The following PLA2G4E variants were observed in gnomAD, a reference collection of about 807,000 sequenced individuals.
The protein encoded by PLA2G4E is phospholipase A2 group IVE.
PLA2G4E carries 84 observed loss-of-function variants against 109.1 expected under a neutral mutation model. That is an observed-to-expected ratio of 0.77 (90% CI 0.65 to 0.92). PLA2G4E has a LOEUF of 0.92. PLA2G4E is among the 40% of genes least tolerant of loss of function. The pLI is 0.00. For missense variants in PLA2G4E, 1,057 were observed against 1,076.6 expected, an observed-to-expected ratio of 0.98 and a Z score of 0.25; for synonymous variants, 469 against 436.1, an observed-to-expected ratio of 1.08 and a Z score of -0.94.
chr15:42,040,461 A>G (rs1889296684), intron 1 of PLA2G4E, among the ~76,000 whole-genome samples: 2 of 152,238 alleles, frequency 1.3e-5, no homozygotes, highest in South Asian at 4.1e-4. Context: ...GTATTGTTTT[A>G]TCATTATTAG....
chr15:41,997,421 G>A (rs1449814302), intron 10 of PLA2G4E, 162 bp from the exon 11 acceptor site: 26 of 724,890 alleles, frequency 3.6e-5, no homozygotes, highest in African/African-American at 1.1e-4. Context: ...GGGGCGAATC[G>A]TGCTGAACTC....
chr15:42,039,057 A>T (rs1889269064), intron 1 of PLA2G4E, among the ~76,000 whole-genome samples: 1 of 152,060 alleles, frequency 6.6e-6, no homozygotes, highest in Non-Finnish European at 1.5e-5. Flanking sequence ...TTTTACTTTC[A>T]CTAATCCATG....
chr15:42,035,015 G>A (rs1474001945), intron 1 of PLA2G4E, among the ~76,000 whole-genome samples: 3 of 152,226 alleles, frequency 2.0e-5, no homozygotes, highest in African/African-American at 7.2e-5. Context: ...GCTCTGTGCA[G>A]GGGATCACAG....
At chr15:42,029,413 A>G (rs1889076707) in intron 1 of PLA2G4E, among the ~76,000 whole-genome samples, 1 of 152,032 alleles carries the variant, frequency 6.6e-6, no homozygotes, top group Non-Finnish European at 1.5e-5. Context: ...TTCTCAAAGC[A>G]CTTGTATCCA....
intron 1 of PLA2G4E, among the ~76,000 whole-genome samples, chr15:42,018,637 G>A (rs533092202): frequency 6.6e-6 from 1 of 152,280 alleles, no homozygotes; most frequent in East Asian, 1.9e-4. Flanking sequence ...CTGGGCCAGG[G>A]AGGACAGGCT....
intron 1 of PLA2G4E, among the ~76,000 whole-genome samples, chr15:42,027,740 CT>C (rs2068704526): frequency 6.6e-6 from 1 of 152,202 alleles, no homozygotes. Flanking sequence ...TACACTGGTC[CT>C]TCATGCCCAG....
At chr15:42,008,745 T>C (rs1052778058) in intron 2 of PLA2G4E, among the ~76,000 whole-genome samples, 1 of 152,170 alleles carries the variant, frequency 6.6e-6, no homozygotes, top group Non-Finnish European at 1.5e-5. Flanking sequence ...ACTGCCCCTG[T>C]CACTCTCCTG....
intron 10 of PLA2G4E, chr15:41,999,120 T>A (rs1259187460): frequency 6.5e-6 from 1 of 153,836 alleles, no homozygotes; most frequent in Non-Finnish European, 1.4e-5. Context: ...ATTTCTGGTT[T>A]CTTAGATATG....
chr15:41,985,869 G>A, exon 18 of PLA2G4E: 1 of 1,611,376 alleles, frequency 6.2e-7, no homozygotes, highest in South Asian at 1.1e-5. Flanking sequence ...AGTAGTTGAG[G>A]TGGATGATGA....
intron 1 of PLA2G4E, among the ~76,000 whole-genome samples, chr15:42,021,340 G>C (rs908279875): frequency 6.6e-6 from 1 of 151,934 alleles, no homozygotes; most frequent in Admixed American, 6.5e-5. Context: ...CCACATGACT[G>C]TAGGACTAGC....
At chr15:41,986,029 C>T (rs1467810427) in intron 17 of PLA2G4E, 24 bp from the exon 18 acceptor site, 1 of 1,571,598 alleles carries the variant, frequency 6.4e-7, no homozygotes, top group Non-Finnish European at 8.6e-7. Context: ...CTTCCCGTTA[C>T]CAACACACCT....
chr15:42,030,142 T>A, intron 1 of PLA2G4E, among the ~76,000 whole-genome samples: 1 of 152,128 alleles, frequency 6.6e-6, no homozygotes, highest in Non-Finnish European at 1.5e-5. Flanking sequence ...GAATGAAGGT[T>A]GGAGAAGGGA....
chr15:41,995,324 C>G, intron 12 of PLA2G4E, 36 bp downstream of exon 12: 2 of 1,600,926 alleles, frequency 1.2e-6, no homozygotes, highest in Non-Finnish European at 1.7e-6. Context: ...CGTGGCTTGC[C>G]CTGGGCTCCA....
chr15:41,997,076 C>T (rs1427448279), intron 11 of PLA2G4E, 48 bp downstream of exon 11: 1 of 1,515,202 alleles, frequency 6.6e-7, no homozygotes. Context: ...GGGCATGGTG[C>T]TGGAAGGACC....
chr15:41,996,220 T>C (rs564543116), intron 11 of PLA2G4E, among the ~76,000 whole-genome samples: 2 of 152,060 alleles, frequency 1.3e-5, no homozygotes, highest in South Asian at 4.2e-4. Flanking sequence ...TTGTGGCTCA[T>C]TCCTGGAGTC....
At chr15:42,011,954 G>A (rs1191069187) in intron 2 of PLA2G4E, among the ~76,000 whole-genome samples, 2 of 152,230 alleles carry the variant, frequency 1.3e-5, no homozygotes, top group African/African-American at 2.4e-5. Context: ...ATCATTCACC[G>A]ATAGGCTGGG....
chr15:41,985,093 G>A (rs1034674582), intron 18 of PLA2G4E, among the ~76,000 whole-genome samples: 65 of 152,150 alleles, frequency 4.3e-4, no homozygotes, highest in African/African-American at 1.5e-3. Context: ...TCTGCCCCTC[G>A]TTCCTCTGCT....
At chr15:42,016,009 G>A (rs1466648351) in intron 1 of PLA2G4E, among the ~76,000 whole-genome samples, 1 of 152,132 alleles carries the variant, frequency 6.6e-6, no homozygotes, top group Non-Finnish European at 1.5e-5. Flanking sequence ...TGAGCTCACG[G>A]TAAATGCCTA....
chr15:42,030,191 ATCTT>A (rs1263453651), intron 1 of PLA2G4E, among the ~76,000 whole-genome samples: 2 of 152,208 alleles, frequency 1.3e-5, no homozygotes, highest in African/African-American at 2.4e-5. Context: ...AAGAATCACA[ATCTT>A]TCTTCAGTCA....
Sources: allele counts gnomAD v4.1 joint callset (sites outside exome capture counted in the v4.1 genomes callset), GRCh38; gene constraint gnomAD v4.1.1; transcripts MANE v1.5; gene names NCBI Gene and HGNC (gene_info 2026-07-23, HGNC 2026-07-21).